Variants in KLHL2 observed in about 807,000 individuals in gnomAD.
KLHL2 encodes the protein kelch-like protein 2.
A neutral mutation model predicts 75.8 loss-of-function variants in KLHL2; 15 were observed. That is an observed-to-expected ratio of 0.20 (90% CI 0.13 to 0.30). The LOEUF (loss-of-function observed/expected upper bound fraction) is 0.30, where lower values mean the gene tolerates loss of function less well. Among genes scored for constraint, KLHL2 ranks in the 10% least tolerant of loss-of-function variants. The pLI, the probability that KLHL2 is intolerant of heterozygous loss-of-function variation, is 1.00. For missense variants in KLHL2, 381 were observed against 741.0 expected (o/e 0.51, Z 5.64); for synonymous variants, 214 against 251.9 (o/e 0.85, Z 1.42).
rs1382310636 is a variant in KLHL2, at chr4:165,228,933, T to C, written c.259+20T>C. On this transcript the variant is annotated intron_variant, in intron 3 of 14. Coordinates refer to ENST00000226725, the MANE Select transcript of KLHL2 (RefSeq NM_007246.4). ...TTACAGGTATGAAATATTTTAGTTA[T>C]AGGCATTTTAAAAAATGTATTCAGA... The C allele has an allele frequency of 2.0e-6, 3 of 1,493,400 alleles. No homozygotes were observed. The highest frequency in any genetic ancestry group is 2.3e-5 in the East Asian group (1 of 44,262). 92.5% of individuals were successfully genotyped at this position (1,493,400 alleles called of 1,614,324 possible).
intron 4 of KLHL2, among the ~76,000 whole-genome samples, chr4:165,243,178 G>C (rs1404943525): frequency 6.6e-6 from 1 of 152,112 alleles, no homozygotes; most frequent in East Asian, 1.9e-4. Context: ...TAACACTTTT[G>C]GAGAATCCTA....
At chr4:165,293,159 G>C (rs1006788509) in intron 5 of KLHL2, among the ~76,000 whole-genome samples, 4 of 152,158 alleles carry the variant, frequency 2.6e-5, no homozygotes, top group African/African-American at 9.7e-5. Context: ...AGATTTGCAA[G>C]AAAGGTTATT....
At position 165,207,967 on chromosome 4, in the gene KLHL2, G is replaced by A; in HGVS notation, c.26+65G>A. ...GCGCGCCGCTGCGGCGCGTGTCGCC[G>A]GCCGCGGGCGCAGCTCTGGGGACAG... On this transcript the variant is annotated intron_variant, in intron 1 of 14. Transcript: ENST00000226725. The surrounding 1 kb of genome is among the most constrained non-coding windows in gnomAD (Gnocchi z 4.2). The A allele has an allele frequency of 4.1e-6, 5 of 1,222,578 alleles. No homozygotes were observed. The highest frequency in any genetic ancestry group is 2.6e-5 in the South Asian group (1 of 39,184). 75.7% of individuals were successfully genotyped at this position (1,222,578 alleles called of 1,614,324 possible). A position where few individuals can be genotyped will look rare whatever the true frequency, so the allele number is the denominator to read the frequency against.
At chr4:165,278,235 C>A (rs759178280) in intron 5 of KLHL2, 4 of 1,150,664 alleles carry the variant, frequency 3.5e-6, no homozygotes, top group Non-Finnish European at 5.3e-6. Context: ...AGACTCCATA[C>A]GTCGACTCCT....
At chr4:165,295,796 G>C (rs1171760579) in intron 6 of KLHL2, among the ~76,000 whole-genome samples, 2 of 152,198 alleles carry the variant, frequency 1.3e-5, no homozygotes, top group Non-Finnish European at 2.9e-5. Flanking sequence ...TGTTCAGTAT[G>C]ATGGGAGTTT....
At chr4:165,209,234 TGGTG>T (rs1260479009) in intron 1 of KLHL2, among the ~76,000 whole-genome samples, 1 of 152,140 alleles carries the variant, frequency 6.6e-6, no homozygotes, top group Non-Finnish European at 1.5e-5. Context: ...GGAAATATGA[TGGTG>T]GATGGTTCAC....
intron 1 of KLHL2, among the ~76,000 whole-genome samples, chr4:165,214,144 A>T (rs576654815): frequency 2.0e-5 from 3 of 152,272 alleles, no homozygotes; most frequent in Admixed American, 2.0e-4. Flanking sequence ...TTTTCATTTC[A>T]GTGCTGGAAA....
At chr4:165,234,472 T>C (rs1739165358) in intron 3 of KLHL2, among the ~76,000 whole-genome samples, 1 of 152,214 alleles carries the variant, frequency 6.6e-6, no homozygotes, top group African/African-American at 2.4e-5. Flanking sequence ...ATTTTTAAAA[T>C]GAAATGAATT....
At chr4:165,301,565 A>C (rs1217388343) in intron 8 of KLHL2, among the ~76,000 whole-genome samples, 1 of 152,150 alleles carries the variant, frequency 6.6e-6, no homozygotes, top group Non-Finnish European at 1.5e-5. Flanking sequence ...TTTTATAAGT[A>C]CCCATCTTTT....
intron 5 of KLHL2, among the ~76,000 whole-genome samples, chr4:165,288,181 TGGC>T (rs1744228897): frequency 6.6e-6 from 1 of 152,192 alleles, no homozygotes; most frequent in Admixed American, 6.5e-5. Context: ...TTTTTGTGTA[TGGC>T]GTATATGATC....
intron 3 of KLHL2, among the ~76,000 whole-genome samples, chr4:165,236,322 A>C (rs1365443440): frequency 6.6e-6 from 1 of 152,222 alleles, no homozygotes; most frequent in Admixed American, 6.5e-5. Flanking sequence ...TATAGAGACT[A>C]TGGGAGGTTA....
At chr4:165,284,339 C>T (rs1743924900) in intron 5 of KLHL2, among the ~76,000 whole-genome samples, 1 of 152,174 alleles carries the variant, frequency 6.6e-6, no homozygotes, top group Non-Finnish European at 1.5e-5. Context: ...CCCAAGTCAC[C>T]TCTTGAATGC....
chr4:165,252,488 T>G (rs1470233072), intron 4 of KLHL2: 4 of 152,192 alleles, frequency 2.6e-5, no homozygotes, highest in African/African-American at 7.2e-5. Context: ...AATCTCATTG[T>G]TAGGTTAGTA....
chr4:165,251,615 G>GTTT (rs757789262), intron 4 of KLHL2, among the ~76,000 whole-genome samples: 1,631 of 129,804 alleles, frequency 0.013, 28 homozygotes, highest in African/African-American at 0.031. Context: ...TTTTTTTTTT[G>GTTT]TTTTTTTTTT....
chr4:165,213,758 A>G (rs1346095562), intron 1 of KLHL2, among the ~76,000 whole-genome samples: 1 of 152,182 alleles, frequency 6.6e-6, no homozygotes, highest in Non-Finnish European at 1.5e-5. Context: ...TACTTAATTT[A>G]TTGGCTTTGG....
chr4:165,310,846 G>GT, intron 10 of KLHL2, 96 bp downstream of exon 10: 1 of 832,528 alleles, frequency 1.2e-6, no homozygotes, highest in South Asian at 1.6e-5. Flanking sequence ...CACATGTGAG[G>GT]TTTTTTGTGT....
At chr4:165,264,752 A>ATATATATATG (rs1742094948) in intron 5 of KLHL2, among the ~76,000 whole-genome samples, 3 of 83,628 alleles carry the variant, frequency 3.6e-5, no homozygotes, top group Admixed American at 2.5e-4. Flanking sequence ...ATATATATAT[A>ATATATATATG]TATATATATA....
chr4:165,269,238 A>C (rs1235642313), intron 5 of KLHL2, among the ~76,000 whole-genome samples: 1 of 152,054 alleles, frequency 6.6e-6, no homozygotes. Context: ...TGAATGCAGC[A>C]CACTGATGGG....
chr4:165,313,241 TG>T lies in KLHL2; in HGVS notation c.1344del (p.Leu448PhefsTer5). The T allele has an allele frequency of 6.2e-7, 1 of 1,609,948 alleles. No homozygotes were observed. Among genetic ancestry groups the T allele is most frequent in the Non-Finnish European group, 8.5e-7 (1 of 1,178,422 alleles). ...SSVGVGVVGG[L>X]LYAVGGYDGA... ...TTCTATGTGATTTTATGTGTAGGTT[TG>T]CTCTATGCTGTAGGAGGTTATGATG... is the stretch of plus-strand genomic sequence containing the variant. On this transcript the variant is annotated frameshift_variant, in exon 12 of 15. Coordinates refer to ENST00000226725, the MANE Select transcript of KLHL2 (RefSeq NM_007246.4). LOFTEE classifies it high-confidence loss of function.
Sources: gnomAD v4.1 joint callset for allele counts (sites outside exome capture counted in the v4.1 genomes callset) on GRCh38, gnomAD v4.1.1 for gene constraint, Gnocchi (gnomAD v3.1) non-coding constraint, MANE v1.5 for transcripts, NCBI Gene and HGNC (gene_info 2026-07-23, HGNC 2026-07-21) for gene names.